The following CCDC60 variants were observed in gnomAD, a reference collection of about 807,000 sequenced individuals.
CCDC60 encodes coiled-coil domain containing 60, also known as coiled-coil domain-containing protein 60.
A neutral mutation model predicts 63.5 loss-of-function variants in CCDC60; 54 were observed. That is an observed-to-expected ratio of 0.85 (90% CI 0.68 to 1.07). The LOEUF is 1.07. CCDC60 is among the 50% of genes least tolerant of loss of function. The pLI is 0.00. For synonymous variants in CCDC60, 206 were observed against 238.8 expected (o/e 0.86, Z 1.27); for missense variants, 651 against 684.3 (o/e 0.95, Z 0.54).
chr12:119,510,471 CCTCTT>C (rs1451146825), intron 7 of CCDC60, among the ~76,000 whole-genome samples: 1 of 152,142 alleles, frequency 6.6e-6, no homozygotes, highest in Non-Finnish European at 1.5e-5. Context: ...ACCCAGGTTT[CCTCTT>C]CTCTTGTCTC....
At chr12:119,364,622 G>T (rs1180241591) in intron 1 of CCDC60, among the ~76,000 whole-genome samples, 1 of 152,160 alleles carries the variant, frequency 6.6e-6, no homozygotes, top group East Asian at 1.9e-4. Context: ...TTGATGCACA[G>T]TTGGGTCAGT....
At position 119,540,860 on chromosome 12, in the gene CCDC60, G is replaced by A; in HGVS notation, c.*145G>A. On this transcript the variant is annotated 3_prime_UTR_variant, in exon 14 of 14. Coordinates refer to ENST00000327554, the MANE Select transcript of CCDC60 (RefSeq NM_178499.5). ...TTTACAGTAGGGTCATCTGGAGACTGACTTCCAGCAACATTTTTAGAGGGG... is the reference window on the plus strand; with the variant it reads ...TTTACAGTAGGGTCATCTGGAGACTAACTTCCAGCAACATTTTTAGAGGGG... The A allele has an allele frequency of 1.7e-6, 1 of 585,456 alleles. No homozygotes were observed. Among genetic ancestry groups the A allele is most frequent in the Non-Finnish European group, 3.0e-6 (1 of 338,810 alleles). 36.3% of individuals were successfully genotyped at this position (585,456 alleles called of 1,614,324 possible).
At chr12:119,461,490 A>C (rs1950856191) in intron 2 of CCDC60, among the ~76,000 whole-genome samples, 1 of 152,148 alleles carries the variant, frequency 6.6e-6, no homozygotes, top group Non-Finnish European at 1.5e-5. Flanking sequence ...AGCCCTGCTG[A>C]GAATACTCCT....
At chr12:119,520,801 T>G (rs2136491510) in intron 9 of CCDC60, among the ~76,000 whole-genome samples, 1 of 152,266 alleles carries the variant, frequency 6.6e-6, no homozygotes, top group South Asian at 2.1e-4. Flanking sequence ...CTTGGCCTTC[T>G]AAATACTGGA....
At chr12:119,433,342 A>C in intron 2 of CCDC60, 1 of 696,302 alleles carries the variant, frequency 1.4e-6, no homozygotes, top group South Asian at 1.5e-5. Flanking sequence ...CAGACGCATT[A>C]AATGTTAAAG....
At chr12:119,523,119 T>C in intron 10 of CCDC60, 118 bp downstream of exon 10, 2 of 941,142 alleles carry the variant, frequency 2.1e-6, no homozygotes, top group South Asian at 2.7e-5. Context: ...AAGCCGTAGA[T>C]GATGCTGAAG....
intron 5 of CCDC60, among the ~76,000 whole-genome samples, chr12:119,498,502 T>A (rs368011366): frequency 7.2e-4 from 110 of 151,984 alleles, no homozygotes; most frequent in African/African-American, 2.6e-3. Flanking sequence ...CTGGCTAAAT[T>A]TTTTTTGTAT....
intron 1 of CCDC60, among the ~76,000 whole-genome samples, chr12:119,413,566 G>A (rs1198778660): frequency 2.6e-5 from 4 of 152,236 alleles, no homozygotes; most frequent in Non-Finnish European, 2.9e-5. Context: ...CATTTCCTTG[G>A]CTTGTTTTGG....
rs796456098 is a variant in CCDC60, at chr12:119,387,027, G to C, written c.91-41656G>C. On this transcript the variant is annotated intron_variant, in intron 1 of 13. Coordinates refer to ENST00000327554, the MANE Select transcript of CCDC60 (RefSeq NM_178499.5). Reference sequence around the variant, plus strand: ...TCTCTCTCTCCCTCCCTCCCCCTCTGTCTCTCTCACACACACACACACACA... The same window carrying C: ...TCTCTCTCTCCCTCCCTCCCCCTCTCTCTCTCTCACACACACACACACACA... Among the ~76,000 whole-genome samples, 197 of 98,128 alleles carry C rather than the reference G, an allele frequency of 2.0e-3. 4 individuals are homozygous for C. The highest frequency in any genetic ancestry group is 2.1e-3 in the Non-Finnish European group (107 of 51,130). The allele number at this position is 98,128 out of a possible 152,430, so 64.4% of individuals were successfully genotyped here. A position where few individuals can be genotyped will look rare whatever the true frequency, so the allele number is the denominator to read the frequency against.
intron 3 of CCDC60, among the ~76,000 whole-genome samples, chr12:119,473,909 G>A (rs1423527749): frequency 5.9e-5 from 9 of 152,184 alleles, no homozygotes; most frequent in Admixed American, 5.9e-4. Context: ...TTGCAATTGT[G>A]AATTGTGCTG....
chr12:119,409,993 C>CTTGGG (rs2136194878), intron 1 of CCDC60, among the ~76,000 whole-genome samples: 1 of 152,286 alleles, frequency 6.6e-6, no homozygotes, highest in East Asian at 1.9e-4. Flanking sequence ...TCTTAGCCAC[C>CTTGGG]ACTCTTGTTC....
intron 4 of CCDC60, chr12:119,479,480 T>C (rs987365290): frequency 2.6e-6 from 1 of 390,496 alleles, no homozygotes; most frequent in African/African-American, 2.1e-5. Flanking sequence ...ATAAAATCTG[T>C]CTACAGCCCT....
intron 1 of CCDC60, among the ~76,000 whole-genome samples, chr12:119,428,102 A>G (rs971319666): frequency 1.3e-5 from 2 of 151,914 alleles, no homozygotes; most frequent in African/African-American, 2.4e-5. Context: ...TAATAGGGAG[A>G]AAGAAAAACC....
At chr12:119,457,722 G>GGA (rs201339859) in intron 2 of CCDC60, among the ~76,000 whole-genome samples, 2 of 150,974 alleles carry the variant, frequency 1.3e-5, no homozygotes, top group African/African-American at 5.0e-5. Context: ...TTGGCGGGGG[G>GGA]GAGAATAATA....
At chr12:119,509,948 C>G (rs1797820134) in intron 7 of CCDC60, among the ~76,000 whole-genome samples, 1 of 152,064 alleles carries the variant, frequency 6.6e-6, no homozygotes, top group African/African-American at 2.4e-5. Flanking sequence ...AACGATGGAC[C>G]AAGAGAGCAA....
Position 119,418,374 on chromosome 12 carries a change from T to TTTTC in CCDC60, c.91-10297_91-10294dup, listed in dbSNP as rs1205690973. Among the ~76,000 whole-genome samples the TTTTC allele has an allele frequency of 2.6e-4, 37 of 141,506 alleles. 2 individuals carry two copies. Among genetic ancestry groups the TTTTC allele is most frequent in the East Asian group, 4.1e-4 (2 of 4,900 alleles). The allele number at this position is 141,506 out of a possible 152,430, so 92.8% of individuals were successfully genotyped here. On this transcript the variant is annotated intron_variant, in intron 1 of 13. Transcript: ENST00000327554. ...CTATTATCTTTTTCTTTCTTTTTCC[T>TTTTC]TTTCTTTCTTTCTTTTTTTTTTTTT...
intron 1 of CCDC60, among the ~76,000 whole-genome samples, chr12:119,421,099 G>A (rs568853029): frequency 4.6e-5 from 7 of 151,990 alleles, no homozygotes; most frequent in Non-Finnish European, 7.4e-5. Context: ...GTATCAGCCC[G>A]GGCACATTTA....
chr12:119,402,769 A>G (rs1417813189), intron 1 of CCDC60, among the ~76,000 whole-genome samples: 1 of 152,104 alleles, frequency 6.6e-6, no homozygotes, highest in Non-Finnish European at 1.5e-5. Context: ...TAAATGAAAG[A>G]TCTCCCATGG....
intron 2 of CCDC60, among the ~76,000 whole-genome samples, chr12:119,440,306 G>A (rs375065242): frequency 2.6e-5 from 4 of 152,112 alleles, no homozygotes; most frequent in African/African-American, 9.7e-5. Context: ...CGAGGCGGGC[G>A]GATTGTGAGG....
Sources: allele counts gnomAD v4.1 joint callset (sites outside exome capture counted in the v4.1 genomes callset), GRCh38; gene constraint gnomAD v4.1.1; transcripts MANE v1.5; gene names NCBI Gene and HGNC (gene_info 2026-07-23, HGNC 2026-07-21).